The following ERI3 variants were observed in gnomAD, a reference collection of about 807,000 sequenced individuals.
ERI3 encodes ERI1 exoribonuclease family member 3.
A neutral mutation model predicts 44.4 loss-of-function variants in ERI3; 18 were observed. The observed-to-expected ratio is 0.41, with a 90% CI of 0.28 to 0.60. The LOEUF (loss-of-function observed/expected upper bound fraction) is 0.60. ERI3 is among the 20% of genes least tolerant of loss of function. The probability of loss-of-function intolerance (pLI) is 0.36; values close to 1 mark genes in which losing one functional copy is unlikely to be tolerated. For missense variants in ERI3, 294 were observed against 435.5 expected (o/e 0.68, Z 2.89); for synonymous variants, 183 against 164.8 (o/e 1.11, Z -0.84).
At position 44,221,679 on chromosome 1, in the gene ERI3, C is replaced by T; in HGVS notation, c.932-39G>A. 1 of 1,552,240 alleles carries T rather than the reference C, an allele frequency of 6.4e-7. No individual in the cohort carries two copies. Among genetic ancestry groups the T allele is most frequent in the South Asian group, 1.1e-5 (1 of 89,730 alleles). On this transcript the variant is annotated intron_variant, in intron 8 of 8. Coordinates refer to ENST00000372257, the MANE Select transcript of ERI3 (RefSeq NM_024066.3). This position sits in a 1 kb window ranked among gnomAD's most constrained non-coding sequence, Gnocchi z 5.9. ...AAGACATTTAGATCAGCCCCAGATC[C>T]TTCCCCTCCATGCCCACAGGTGCTC...
At chr1:44,324,528 CTGGGT>C (rs1191452057) in intron 3 of ERI3, among the ~76,000 whole-genome samples, 11 of 130,104 alleles carry the variant, frequency 8.5e-5, no homozygotes, top group Non-Finnish European at 1.7e-4. Context: ...GTCGCCCAGG[CTGGGT>C]TGCAGTGGCG....
intron 6 of ERI3, among the ~76,000 whole-genome samples, chr1:44,285,840 A>G (rs2154323509): frequency 6.6e-6 from 1 of 152,370 alleles, no homozygotes; most frequent in Non-Finnish European, 1.5e-5. Context: ...CAGCCAGGAA[A>G]GATCACAGTC....
chr1:44,271,701 A>G (rs913557622), intron 7 of ERI3, among the ~76,000 whole-genome samples: 8 of 152,234 alleles, frequency 5.3e-5, no homozygotes, highest in Admixed American at 5.2e-4. Context: ...ACTATTAATT[A>G]TCTCTACCTT....
At chr1:44,324,561 A>C (rs767179500) in intron 3 of ERI3, among the ~76,000 whole-genome samples, 2 of 139,694 alleles carry the variant, frequency 1.4e-5, no homozygotes, top group Non-Finnish European at 3.0e-5. Flanking sequence ...GGCTCACTGC[A>C]AGCTCTGCCT....
intron 3 of ERI3, among the ~76,000 whole-genome samples, chr1:44,336,903 T>C (rs1031669150): frequency 6.6e-5 from 10 of 152,340 alleles, no homozygotes; most frequent in African/African-American, 2.2e-4. Context: ...TGGTAAACAA[T>C]GTGAAGCCCT....
Position 44,221,255 on chromosome 1 carries a change from A to G in ERI3, c.*303T>C. The G allele has an allele frequency of 2.4e-6, 1 of 420,516 alleles. No individual in the cohort carries two copies. Among genetic ancestry groups the G allele is most frequent in the African/African-American group, 2.0e-5 (1 of 49,306 alleles). 26.0% of individuals were successfully genotyped at this position (420,516 alleles called of 1,614,324 possible). A position where few individuals can be genotyped will look rare whatever the true frequency, so the allele number is the denominator to read the frequency against. ...TTGGTGGCCCCACAGAAGCCTGTGT[A>G]CCAGGGAGGAGGCGGTGAGTGCCTG... On this transcript the variant is annotated 3_prime_UTR_variant, in exon 9 of 9. Coordinates refer to ENST00000372257, the MANE Select transcript of ERI3 (RefSeq NM_024066.3). This position sits in a 1 kb window ranked among gnomAD's most constrained non-coding sequence, Gnocchi z 5.9.
In ERI3 at chr1:44,284,866, T is replaced by C. The variant is rs769851356; in HGVS notation, c.800A>G (p.Asp267Gly). Residue 267 changes from aspartate to glycine, a missense_variant, in exon 7 of 9, where the codon GAT becomes GGT. By Grantham distance (94) the Asp-to-Gly change is moderately conservative. Transcript: ENST00000372257. ...QCQYLGLPVA[D>G]YFKQWINLKK... ...CAGATTAATCCACTGCTTGAAGTAA[T>C]CCGCCACTGGCAAGCCCAAGTACTG... 2 of 1,613,936 alleles carry C rather than the reference T, an allele frequency of 1.2e-6. No individual in the cohort carries two copies. The highest frequency in any genetic ancestry group is 1.7e-6 in the Non-Finnish European group (2 of 1,180,016).
chr1:44,337,271 G>C (rs1646553415), intron 3 of ERI3, among the ~76,000 whole-genome samples: 1 of 152,152 alleles, frequency 6.6e-6, no homozygotes, highest in Non-Finnish European at 1.5e-5. Context: ...ATCAGAAGAG[G>C]GATGAATCAT....
At chr1:44,350,134 C>T (rs1484486002) in intron 2 of ERI3, among the ~76,000 whole-genome samples, 1 of 152,144 alleles carries the variant, frequency 6.6e-6, no homozygotes, top group Non-Finnish European at 1.5e-5. Context: ...GAAAATGGGT[C>T]ATCCTCTGTG....
intron 5 of ERI3, among the ~76,000 whole-genome samples, chr1:44,310,169 G>A (rs551766077): frequency 1.3e-5 from 2 of 152,128 alleles, no homozygotes; most frequent in African/African-American, 2.4e-5. Context: ...CACTGGAGAC[G>A]TGACCACAGT....
At chr1:44,299,277 G>T (rs1200979038) in intron 6 of ERI3, among the ~76,000 whole-genome samples, 1 of 151,998 alleles carries the variant, frequency 6.6e-6, no homozygotes, top group African/African-American at 2.4e-5. Context: ...CAAACTCCTG[G>T]GATCAAGCAA....
intron 7 of ERI3, among the ~76,000 whole-genome samples, chr1:44,256,092 C>T (rs1476910408): frequency 6.6e-6 from 1 of 152,054 alleles, no homozygotes; most frequent in Non-Finnish European, 1.5e-5. Context: ...TATTTGCTGT[C>T]TCTGAGTGGT....
intron 2 of ERI3, among the ~76,000 whole-genome samples, chr1:44,339,886 C>G (rs927668885): frequency 3.9e-5 from 6 of 152,128 alleles, no homozygotes; most frequent in African/African-American, 1.4e-4. Context: ...GCAAACAAAG[C>G]GAATCACAGG....
intron 7 of ERI3, among the ~76,000 whole-genome samples, chr1:44,277,962 A>T (rs148298140): frequency 7.9e-5 from 12 of 152,262 alleles, no homozygotes; most frequent in Non-Finnish European, 1.3e-4. Flanking sequence ...TGAGCCACAT[A>T]TGAAACTTAG....
intron 5 of ERI3, among the ~76,000 whole-genome samples, chr1:44,310,325 T>C (rs1321487708): frequency 6.6e-6 from 1 of 152,290 alleles, no homozygotes; most frequent in African/African-American, 2.4e-5. Context: ...CAAAGGTACA[T>C]GTGCAATAAT....
chr1:44,354,496 A>G (rs947980009), intron 1 of ERI3: 2 of 985,302 alleles, frequency 2.0e-6, no homozygotes, highest in African/African-American at 3.5e-5. Flanking sequence ...TAGCCAGGTT[A>G]GGCCCTTATT....
chr1:44,309,989 G>A lies in ERI3; in HGVS notation c.667-1588C>T, dbSNP rs111515996. Among the ~76,000 whole-genome samples the A allele has an allele frequency of 5.4e-3, 822 of 152,312 alleles. 7 individuals are homozygous for A. The highest frequency in any genetic ancestry group is 0.019 in the African/African-American group (776 of 41,556). On this transcript the variant is annotated intron_variant, in intron 5 of 8. Coordinates refer to ENST00000372257, the MANE Select transcript of ERI3 (RefSeq NM_024066.3). ...ATCCTGGCTGTGTCACTGATGGGGA[G>A]TCATTTAAAAGTCATGTAACCTCTC... is the stretch of plus-strand genomic sequence containing the variant.
intron 2 of ERI3, among the ~76,000 whole-genome samples, chr1:44,341,896 A>AAAAC (rs899487597): frequency 6.7e-6 from 1 of 148,480 alleles, no homozygotes; most frequent in Non-Finnish European, 1.5e-5. Context: ...ATTCAAAAAC[A>AAAAC]AAACAAAACA....
chr1:44,312,743 T>A (rs907026273), intron 5 of ERI3, among the ~76,000 whole-genome samples: 1 of 151,842 alleles, frequency 6.6e-6, no homozygotes, highest in African/African-American at 2.4e-5. Context: ...CGATGCGGAG[T>A]TCTGGGTGAG....
Sources: gnomAD v4.1 joint callset for allele counts (sites outside exome capture counted in the v4.1 genomes callset) on GRCh38, gnomAD v4.1.1 for gene constraint, Gnocchi (gnomAD v3.1) non-coding constraint, MANE v1.5 for transcripts, NCBI Gene and HGNC (gene_info 2026-07-23, HGNC 2026-07-21) for gene names.